MAD1L1: variants seen among roughly 807,000 people sequenced by gnomAD.
MAD1L1 encodes mitotic arrest deficient 1 like 1.
A neutral mutation model predicts 96.9 loss-of-function variants in MAD1L1; 95 were observed. That is an observed-to-expected ratio of 0.98 (90% CI 0.83 to 1.16). The LOEUF is 1.16. Among genes scored for constraint, MAD1L1 ranks in the 50% most tolerant of loss-of-function variants. The pLI is 0.00. For missense variants in MAD1L1, 1,007 were observed against 954.4 expected, an observed-to-expected ratio of 1.06 and a Z score of -0.73; for synonymous variants, 473 against 396.6, an observed-to-expected ratio of 1.19 and a Z score of -2.29.
intron 17 of MAD1L1, among the ~76,000 whole-genome samples, chr7:1,913,360 G>C (rs942704255): frequency 6.6e-6 from 1 of 152,180 alleles, no homozygotes; most frequent in Non-Finnish European, 1.5e-5. Flanking sequence ...GAAGCGGCCT[G>C]GGGTGGCGTG....
chr7:1,886,766 G>A (rs534791834), intron 18 of MAD1L1, among the ~76,000 whole-genome samples: 8 of 152,280 alleles, frequency 5.3e-5, no homozygotes, highest in Non-Finnish European at 1.2e-4. Flanking sequence ...ACATGGCACT[G>A]TGTGCAGACA....
intron 13 of MAD1L1, among the ~76,000 whole-genome samples, chr7:2,013,943 G>C (rs779978186): frequency 6.6e-6 from 1 of 152,230 alleles, no homozygotes; most frequent in Non-Finnish European, 1.5e-5. Flanking sequence ...AAAGGCAGAA[G>C]CCAAGGCTGA....
At chr7:2,100,848 C>A (rs1463793702) in intron 11 of MAD1L1, among the ~76,000 whole-genome samples, 1 of 152,248 alleles carries the variant, frequency 6.6e-6, no homozygotes, top group Non-Finnish European at 1.5e-5. Context: ...CGACTGGAGG[C>A]GCGGCTCCAG....
At chr7:1,916,183 G>A (rs1562521309) in intron 17 of MAD1L1, among the ~76,000 whole-genome samples, 2 of 152,178 alleles carry the variant, frequency 1.3e-5, no homozygotes, top group Non-Finnish European at 2.9e-5. Flanking sequence ...GCCTCACGTG[G>A]GACATGCAAA....
At chr7:2,025,075 A>G (rs771337438) in intron 12 of MAD1L1, among the ~76,000 whole-genome samples, 4 of 152,260 alleles carry the variant, frequency 2.6e-5, no homozygotes, top group Non-Finnish European at 5.9e-5. Context: ...CATGAACTGT[A>G]ACAAATATAC....
intron 17 of MAD1L1, among the ~76,000 whole-genome samples, chr7:1,907,816 C>T (rs576550306): frequency 5.3e-4 from 81 of 152,358 alleles, no homozygotes; most frequent in South Asian, 1.0e-3. Flanking sequence ...GGGTGCTCGG[C>T]GCGGGATCTG....
chr7:2,100,757 C>T (rs1786740627), intron 11 of MAD1L1, among the ~76,000 whole-genome samples: 1 of 152,230 alleles, frequency 6.6e-6, no homozygotes, highest in African/African-American at 2.4e-5. Context: ...TTTTTATCAT[C>T]AGTTTTAAAT....
At chr7:1,919,338 T>G (rs1221666143) in intron 17 of MAD1L1, among the ~76,000 whole-genome samples, 3 of 152,238 alleles carry the variant, frequency 2.0e-5, no homozygotes, top group Non-Finnish European at 4.4e-5. Flanking sequence ...ACACGGTGTG[T>G]TGGAGCCAGG....
At chr7:1,913,230 T>C (rs1022771863) in intron 17 of MAD1L1, among the ~76,000 whole-genome samples, 2 of 151,980 alleles carry the variant, frequency 1.3e-5, no homozygotes, top group African/African-American at 4.8e-5. Flanking sequence ...GACACGGAAC[T>C]GCTCCAGTAA....
At position 2,208,249 on chromosome 7, in the gene MAD1L1, G is replaced by C. The variant is rs1056286286; in HGVS notation, c.986+4963C>G. Among the ~76,000 whole-genome samples, 4 of 151,970 alleles carry C rather than the reference G, an allele frequency of 2.6e-5. No homozygotes were observed. In the South Asian group the frequency reaches 8.3e-4, roughly 32 times the overall value. On this transcript the variant is annotated intron_variant, in intron 10 of 18. Transcript: ENST00000265854. The stretch of plus-strand genomic sequence containing the variant: ...AGTATACAGAAACATAACCCATTTT[G>C]GTACATTGTCCTTGTATCCCGTGAC...
intron 10 of MAD1L1, among the ~76,000 whole-genome samples, chr7:2,166,745 C>T (rs755434096): frequency 2.0e-5 from 3 of 152,220 alleles, no homozygotes; most frequent in Admixed American, 6.5e-5. Flanking sequence ...CTGTCCACAG[C>T]AGCTGGGCCG....
intron 10 of MAD1L1, among the ~76,000 whole-genome samples, chr7:2,151,698 T>C (rs1789578807): frequency 6.6e-6 from 1 of 152,260 alleles, no homozygotes; most frequent in Admixed American, 6.5e-5. Flanking sequence ...TGTTCTGCGA[T>C]TCCCAGTGAT....
intron 10 of MAD1L1, among the ~76,000 whole-genome samples, chr7:2,185,939 G>C (rs1160956513): frequency 6.6e-6 from 1 of 152,220 alleles, no homozygotes; most frequent in Non-Finnish European, 1.5e-5. Context: ...GTGCCTGAGA[G>C]CCTGAAAGCT....
chr7:2,020,933 C>A (rs1428023155), intron 12 of MAD1L1, among the ~76,000 whole-genome samples: 4 of 150,570 alleles, frequency 2.7e-5, no homozygotes, highest in South Asian at 4.2e-4. Flanking sequence ...TGAAAAAAAA[C>A]AAAACAACAT....
intron 14 of MAD1L1, among the ~76,000 whole-genome samples, chr7:1,983,150 GCGCGCACACACACACACA>G (rs1380582232): frequency 0.023 from 2,186 of 93,292 alleles, 43 homozygotes; most frequent in African/African-American, 0.084. Context: ...GCGCGCGCGC[GCGCGCACACACACACACA>G]CACACACACA....
At chr7:2,061,245 G>A (rs1784647912) in intron 12 of MAD1L1, among the ~76,000 whole-genome samples, 1 of 152,226 alleles carries the variant, frequency 6.6e-6, no homozygotes, top group Non-Finnish European at 1.5e-5. Flanking sequence ...GCTGAGGCAG[G>A]AGAATTGCTT....
At chr7:2,091,031 C>T (rs1040857809) in intron 11 of MAD1L1, among the ~76,000 whole-genome samples, 3 of 152,166 alleles carry the variant, frequency 2.0e-5, no homozygotes, top group African/African-American at 4.8e-5. Context: ...TTATTTGACG[C>T]GTCGGGTTAT....
chr7:2,098,158 C>G (rs574801517), intron 11 of MAD1L1, among the ~76,000 whole-genome samples: 6 of 152,334 alleles, frequency 3.9e-5, no homozygotes, highest in African/African-American at 1.4e-4. Context: ...TTGGAATCAC[C>G]TTGCTTTGGA....
chr7:2,112,412 C>A (rs1423859324), intron 11 of MAD1L1, among the ~76,000 whole-genome samples: 2 of 152,184 alleles, frequency 1.3e-5, no homozygotes, highest in Admixed American at 6.5e-5. Flanking sequence ...GGAAACACAA[C>A]GGCACCCACG....
Sources: gnomAD v4.1 joint callset for allele counts (sites outside exome capture counted in the v4.1 genomes callset) on GRCh38, gnomAD v4.1.1 for gene constraint, MANE v1.5 for transcripts, NCBI Gene and HGNC (gene_info 2026-07-23, HGNC 2026-07-21) for gene names.